Variants in SLCO1A2 observed in about 807,000 individuals in gnomAD.
SLCO1A2 encodes OATP-1.
A neutral mutation model predicts 69.0 loss-of-function variants in SLCO1A2; 67 were observed. The observed-to-expected ratio is 0.97, with a 90% CI of 0.80 to 1.19. SLCO1A2 has a LOEUF of 1.19. SLCO1A2 is among the 50% of genes most tolerant of loss of function. The probability of loss-of-function intolerance (pLI) is 0.00; values close to 1 mark genes in which losing one functional copy is unlikely to be tolerated. For synonymous variants in SLCO1A2, 260 were observed against 265.9 expected, an observed-to-expected ratio of 0.98 and a Z score of 0.22; for missense variants, 787 against 793.7, an observed-to-expected ratio of 0.99 and a Z score of 0.10.
intron 2 of SLCO1A2, among the ~76,000 whole-genome samples, chr12:21,346,188 G>A (rs889127318): frequency 5.9e-5 from 9 of 152,002 alleles, no homozygotes; most frequent in African/African-American, 1.7e-4. Flanking sequence ...AGTAAATAAC[G>A]TATGTTTAAG....
intron 5 of SLCO1A2, among the ~76,000 whole-genome samples, chr12:21,305,160 A>G (rs573775448): frequency 2.0e-5 from 3 of 152,246 alleles, no homozygotes; most frequent in East Asian, 1.9e-4. Flanking sequence ...TAACCACCAA[A>G]TAACTTTCAA....
chr12:21,299,793 CACACACGTATATATAT>C (rs1948366463), intron 8 of SLCO1A2, among the ~76,000 whole-genome samples: 1 of 113,664 alleles, frequency 8.8e-6, no homozygotes, highest in African/African-American at 4.5e-5. Context: ...TATATATACA[CACACACGTATATATAT>C]ACACACACAC....
At chr12:21,322,873 A>G (rs1041397429) in intron 2 of SLCO1A2, among the ~76,000 whole-genome samples, 3 of 152,060 alleles carry the variant, frequency 2.0e-5, no homozygotes, top group Non-Finnish European at 4.4e-5. Flanking sequence ...TTTGCTTTAC[A>G]TTCTCCCTCT....
At chr12:21,396,847 T>C (rs1355866441), upstream of SLCO1A2, among the ~76,000 whole-genome samples, 4 of 152,006 alleles carry the variant, frequency 2.6e-5, no homozygotes, top group East Asian at 7.7e-4. Flanking sequence ...CCACCAGGCC[T>C]GCCTTACAAG....
chr12:21,416,345 T>C (rs1257589685), intron 1 of SLCO1A2, among the ~76,000 whole-genome samples: 5 of 133,858 alleles, frequency 3.7e-5, no homozygotes, highest in Non-Finnish European at 8.0e-5. Flanking sequence ...AGATTCACTA[T>C]AGAATCTCGG....
intron 1 of SLCO1A2, among the ~76,000 whole-genome samples, chr12:21,390,860 C>T (rs1407272730): frequency 6.6e-6 from 1 of 152,124 alleles, no homozygotes; most frequent in Non-Finnish European, 1.5e-5. Context: ...TTATAAATTT[C>T]AATAATTGGT....
At chr12:21,283,268 C>G (rs1156955748) in intron 12 of SLCO1A2, among the ~76,000 whole-genome samples, 3 of 152,048 alleles carry the variant, frequency 2.0e-5, no homozygotes, top group Non-Finnish European at 4.4e-5. Context: ...AAAATCCATT[C>G]ATCTATGGTG....
intron 12 of SLCO1A2, among the ~76,000 whole-genome samples, chr12:21,280,620 T>C (rs181071055): frequency 4.3e-4 from 63 of 147,690 alleles, no homozygotes; most frequent in African/African-American, 1.5e-3. Context: ...TAGAGCCTAA[T>C]ACAATAATAG....
intron 1 of SLCO1A2, among the ~76,000 whole-genome samples, chr12:21,384,746 A>T (rs1374588598): frequency 6.6e-6 from 1 of 151,930 alleles, no homozygotes; most frequent in Non-Finnish European, 1.5e-5. Flanking sequence ...TATCAAAAAA[A>T]TATGTCCACT....
At chr12:21,310,007 A>G (rs1949914567) in intron 4 of SLCO1A2, among the ~76,000 whole-genome samples, 1 of 152,226 alleles carries the variant, frequency 6.6e-6, no homozygotes, top group Admixed American at 6.5e-5. Context: ...AAAGCTAACC[A>G]TATGATATAA....
rs775332357 is a variant in SLCO1A2 at position 21,294,105 on chromosome 12, G to A, written c.1277C>T (p.Pro426Leu). 2 of 1,585,850 alleles carry A rather than the reference G, an allele frequency of 1.3e-6. No homozygotes were observed. The highest frequency in any genetic ancestry group is 2.3e-5 in the South Asian group (2 of 86,546). ...VGINTSYEGI[P>L]QDLYVENDIF... is the part of the protein sequence containing the mutation. ...GTCATTTTCCACATATAAATCTTGT[G>A]GAATTCTGAAGTGATTTAAAATAAT... The change falls in exon 11 of 15, where the codon CCA (proline) becomes CTA (leucine). Residue 426 changes from proline (P) to leucine (L), a missense_variant. Physicochemically the swap from Pro to Leu is moderately conservative, Grantham distance 98. Coordinates refer to ENST00000683939, the MANE Select transcript of SLCO1A2 (RefSeq NM_001386879.1).
chr12:21,391,879 A>G (rs949348648), intron 1 of SLCO1A2, among the ~76,000 whole-genome samples: 6 of 152,192 alleles, frequency 3.9e-5, no homozygotes, highest in African/African-American at 1.4e-4. Context: ...TCCAAAGCCT[A>G]CATTTGAGAA....
intron 1 of SLCO1A2, among the ~76,000 whole-genome samples, chr12:21,400,890 G>A (rs535782561): frequency 1.1e-3 from 88 of 80,874 alleles, no homozygotes; most frequent in African/African-American, 4.1e-3. Context: ...GGTGGGGGGA[G>A]GGGGGAGGGA....
intron 12 of SLCO1A2, among the ~76,000 whole-genome samples, chr12:21,280,398 C>G (rs961233868): frequency 6.6e-6 from 1 of 151,126 alleles, no homozygotes. Flanking sequence ...TATTCCATGC[C>G]AATAGAAACC....
At chr12:21,297,376 C>T in intron 9 of SLCO1A2, 28 bp downstream of exon 9, 1 of 1,582,936 alleles carries the variant, frequency 6.3e-7, no homozygotes. Flanking sequence ...GGAAAGTGTG[C>T]TAGTAAGGCA....
chr12:21,373,146 T>C (rs1343925891), intron 2 of SLCO1A2: 10 of 592,288 alleles, frequency 1.7e-5, no homozygotes, highest in Non-Finnish European at 3.0e-5. Flanking sequence ...GAGAAGGAAA[T>C]TGGGAAAGTA....
intron 12 of SLCO1A2, among the ~76,000 whole-genome samples, chr12:21,281,984 C>T (rs1944880844): frequency 6.6e-6 from 1 of 151,990 alleles, no homozygotes; most frequent in Admixed American, 6.6e-5. Context: ...CTGCCTAATT[C>T]TACCAAACAT....
intron 2 of SLCO1A2, among the ~76,000 whole-genome samples, chr12:21,328,218 C>T (rs747832042): frequency 6.6e-6 from 1 of 152,052 alleles, no homozygotes; most frequent in Non-Finnish European, 1.5e-5. Flanking sequence ...TATAAATTAC[C>T]CAGTCTCAGG....
intron 2 of SLCO1A2, among the ~76,000 whole-genome samples, chr12:21,372,242 A>G (rs1428770273): frequency 6.6e-6 from 1 of 152,168 alleles, no homozygotes; most frequent in Non-Finnish European, 1.5e-5. Flanking sequence ...TTGACTACAT[A>G]TACCTATGGA....
Sources: gnomAD v4.1 joint callset for allele counts (sites outside exome capture counted in the v4.1 genomes callset) on GRCh38, gnomAD v4.1.1 for gene constraint, MANE v1.5 for transcripts, NCBI Gene and HGNC (gene_info 2026-07-23, HGNC 2026-07-21) for gene names.